CFAP92: variants seen among roughly 807,000 people sequenced by gnomAD.
The protein encoded by CFAP92 is cilia and flagella associated protein 92 (putative), also known as uncharacterized protein CFAP92.
A neutral mutation model predicts 106.3 loss-of-function variants in CFAP92; 86 were observed. That is an observed-to-expected ratio of 0.81 (90% confidence interval 0.68 to 0.97). CFAP92 has a LOEUF of 0.97. CFAP92 is among the 50% of genes least tolerant of loss of function. The pLI, the probability that CFAP92 is intolerant of heterozygous loss-of-function variation, is 0.00. For synonymous variants in CFAP92, 477 were observed against 506.4 expected, an observed-to-expected ratio of 0.94 and a Z score of 0.78; for missense variants, 1,204 against 1,283.8, an observed-to-expected ratio of 0.94 and a Z score of 0.95.
chr3:129,002,373 G>A, intron 1 of CFAP92: 2 of 1,487,470 alleles, frequency 1.3e-6, no homozygotes, highest in Non-Finnish European at 1.8e-6. Context: ...GAGAGGGCTC[G>A]AACTAAAAGC....
At chr3:129,026,290 A>G in the CFAP92 span, among the ~76,000 whole-genome samples, 1 of 152,228 alleles carries the variant, frequency 6.6e-6, no homozygotes, top group Non-Finnish European at 1.5e-5. Flanking sequence ...ACATTTAAAC[A>G]GGCCCCTGGG....
chr3:128,994,766 T>C (rs766869745), upstream of CFAP92, among the ~76,000 whole-genome samples: 1 of 152,116 alleles, frequency 6.6e-6, no homozygotes, highest in Non-Finnish European at 1.5e-5. Flanking sequence ...GCTCCTAATG[T>C]AGAGGACCTC....
At chr3:128,941,277 C>A (rs1271238720) in intron 10 of CFAP92, among the ~76,000 whole-genome samples, 2 of 152,004 alleles carry the variant, frequency 1.3e-5, no homozygotes, top group Non-Finnish European at 2.9e-5. Context: ...ATTAAATAAT[C>A]TTATCTGAAC....
intron 1 of CFAP92, chr3:128,993,633 G>T: frequency 2.6e-6 from 1 of 378,150 alleles, no homozygotes; most frequent in Non-Finnish European, 5.0e-6. Flanking sequence ...GCCTGCCCCA[G>T]GTGAGCAGCT....
At position 128,987,672 on chromosome 3, in the gene CFAP92, T is replaced by C. The variant is rs1363049687; in HGVS notation, c.611A>G (p.Tyr204Cys). ...GAAGCCGGCAGTCTTTAATCGGTAA[T>C]ATCTGACTTTTCTTGACATCTTGTC... ...TKDKMSRKVR[Y>C]YRLKTAGFTD... The change falls in exon 4 of 16, where the codon TAT becomes TGT. Residue 204 changes from tyrosine to cysteine, a missense_variant. Physicochemically the swap from Tyr to Cys is radical, Grantham distance 194 (BLOSUM62 -2). Coordinates refer to ENST00000645291, the MANE Select transcript of CFAP92 (RefSeq NM_001394090.1). The C allele has an allele frequency of 1.9e-6, 3 of 1,613,934 alleles. No homozygotes were observed. The highest frequency in any genetic ancestry group is 2.5e-6 in the Non-Finnish European group (3 of 1,179,910).
intron 7 of CFAP92, 23 bp downstream of exon 7, chr3:128,975,756 T>C: frequency 6.5e-7 from 1 of 1,532,794 alleles, no homozygotes; most frequent in Non-Finnish European, 8.8e-7. Context: ...ATTATAAAAT[T>C]CCCAAATCCT....
At chr3:128,965,767 AC>A in intron 8 of CFAP92, 72 bp from the exon 9 acceptor site, 3 of 397,604 alleles carry the variant, frequency 7.5e-6, no homozygotes, top group Non-Finnish European at 1.3e-5. Flanking sequence ...GGATCAAGCA[AC>A]CTGAGATGAG....
Position 128,910,273 on chromosome 3 carries a change from G to A in CFAP92, c.*26C>T, listed in dbSNP as rs73862593. 2.7e-3 allele frequency: 4,120 copies of A among 1,529,172 alleles called. 98 individuals are homozygous for A. In the African/African-American group the frequency reaches 0.048, roughly 18 times the overall value. The allele number at this position is 1,529,172 out of a possible 1,614,324, so 94.7% of individuals were successfully genotyped here. ...GGGAGGCTGTGCAGGTTCACCATGC[G>A]GTGGCCGTGGGAGGGTCTGTGCTGC... On this transcript the variant is annotated 3_prime_UTR_variant, in exon 16 of 16. Coordinates refer to ENST00000645291, the MANE Select transcript of CFAP92 (RefSeq NM_001394090.1).
the CFAP92 span, among the ~76,000 whole-genome samples, chr3:129,026,179 G>A: frequency 6.6e-6 from 1 of 152,204 alleles, no homozygotes; most frequent in East Asian, 1.9e-4. Context: ...GTTGCTGTCC[G>A]TGCAGGAAGC....
chr3:129,012,181 T>C, the CFAP92 span, among the ~76,000 whole-genome samples: 58 of 152,368 alleles, frequency 3.8e-4, no homozygotes, highest in Admixed American at 3.8e-3. Context: ...CTTAGGAAGC[T>C]TCAGCTCAAC....
At chr3:128,981,776 T>C (rs1232755953) in intron 4 of CFAP92, among the ~76,000 whole-genome samples, 3 of 152,238 alleles carry the variant, frequency 2.0e-5, no homozygotes, top group African/African-American at 7.2e-5. Context: ...AGCATGGATG[T>C]TGAAACCAAA....
chr3:129,024,507 G>A, the CFAP92 span, among the ~76,000 whole-genome samples: 5 of 151,484 alleles, frequency 3.3e-5, no homozygotes, highest in Admixed American at 1.3e-4. Flanking sequence ...CTCCAGCCTG[G>A]GTGACAGAGC....
At chr3:128,998,154 TG>T (rs1944550840), upstream of CFAP92, among the ~76,000 whole-genome samples, 1 of 152,234 alleles carries the variant, frequency 6.6e-6, no homozygotes, top group African/African-American at 2.4e-5. Flanking sequence ...TTTGTCTTCT[TG>T]TTACTGAGTT....
intron 10 of CFAP92, among the ~76,000 whole-genome samples, chr3:128,935,591 A>G (rs977264473): frequency 1.3e-5 from 2 of 152,176 alleles, no homozygotes; most frequent in African/African-American, 4.8e-5. Flanking sequence ...ACATGTCTGT[A>G]ATCCCAGCTA....
intron 10 of CFAP92, among the ~76,000 whole-genome samples, chr3:128,940,038 T>C (rs1163109470): frequency 6.6e-6 from 1 of 152,180 alleles, no homozygotes; most frequent in East Asian, 1.9e-4. Flanking sequence ...ACATTCCGCA[T>C]AAATTGAATC....
chr3:128,913,923 T>C (rs1936603223), intron 15 of CFAP92, among the ~76,000 whole-genome samples: 1 of 152,116 alleles, frequency 6.6e-6, no homozygotes, highest in Non-Finnish European at 1.5e-5. Flanking sequence ...ACCCCCCTTC[T>C]GTGCAGCCTT....
At chr3:128,920,981 C>T (rs1282579812) in intron 12 of CFAP92, among the ~76,000 whole-genome samples, 1 of 152,222 alleles carries the variant, frequency 6.6e-6, no homozygotes, top group African/African-American at 2.4e-5. Flanking sequence ...GTAGATCATG[C>T]ACTTGATACA....
At chr3:129,002,198 C>T (rs1303966467) in intron 1 of CFAP92, 2 of 1,509,964 alleles carry the variant, frequency 1.3e-6, no homozygotes, top group East Asian at 2.7e-5. Flanking sequence ...GCGCGCCTGG[C>T]CCCGACAGCG....
At chr3:128,960,171 G>C (rs1034756252) in intron 9 of CFAP92, among the ~76,000 whole-genome samples, 1 of 152,128 alleles carries the variant, frequency 6.6e-6, no homozygotes, top group Admixed American at 6.6e-5. Flanking sequence ...GACTCAGCCC[G>C]CCTGCACCCA....
Sources: allele counts gnomAD v4.1 joint callset (sites outside exome capture counted in the v4.1 genomes callset), GRCh38; gene constraint gnomAD v4.1.1; transcripts MANE v1.5; gene names NCBI Gene and HGNC (gene_info 2026-07-23, HGNC 2026-07-21).